NT5C2: variants seen among roughly 807,000 people sequenced by gnomAD.
NT5C2 encodes the protein cytosolic purine 5'-nucleotidase.
A neutral mutation model predicts 76.1 loss-of-function variants in NT5C2; 58 were observed. The ratio of observed to expected loss-of-function variants is 0.76; its 90% CI spans 0.62 to 0.95. The LOEUF is 0.95. NT5C2 is among the 40% of genes least tolerant of loss of function. The pLI, the probability that NT5C2 is intolerant of heterozygous loss-of-function variation, is 0.00. For synonymous variants in NT5C2, 229 were observed against 237.4 expected, an observed-to-expected ratio of 0.96 and a Z score of 0.32; for missense variants, 478 against 690.3, an observed-to-expected ratio of 0.69 and a Z score of 3.45.
At chr10:103,159,252 C>CACACA (rs2084196868) in intron 3 of NT5C2, among the ~76,000 whole-genome samples, 1 of 13,596 alleles carries the variant, frequency 7.4e-5, no homozygotes, top group Non-Finnish European at 1.4e-4. Context: ...CCAAAACATG[C>CACACA]ACACACACAC....
intron 17 of NT5C2, 41 bp downstream of exon 17, chr10:103,090,895 A>C: frequency 6.2e-7 from 1 of 1,603,954 alleles, no homozygotes; most frequent in Non-Finnish European, 8.5e-7. Flanking sequence ...AAAGCATTTA[A>C]ACTTATTTCC....
chr10:103,142,986 C>CA (rs371773086), intron 3 of NT5C2, among the ~76,000 whole-genome samples: 4,931 of 50,254 alleles, frequency 0.098, 136 homozygotes, highest in East Asian at 0.15. Context: ...AAGATTCCAT[C>CA]AAAAAAAAAA....
At chr10:103,110,225 G>A (rs1436868516) in intron 4 of NT5C2, among the ~76,000 whole-genome samples, 1 of 152,122 alleles carries the variant, frequency 6.6e-6, no homozygotes, top group African/African-American at 2.4e-5. Context: ...GGAGGCCGGG[G>A]CGTGTGGATC....
chr10:103,092,673 C>T (rs1315431056), intron 15 of NT5C2, among the ~76,000 whole-genome samples: 1 of 152,166 alleles, frequency 6.6e-6, no homozygotes, highest in Non-Finnish European at 1.5e-5. Flanking sequence ...TAGCTTAGTT[C>T]AAGAATACAA....
At chr10:103,119,233 G>A (rs1304741817) in intron 4 of NT5C2, among the ~76,000 whole-genome samples, 1 of 152,090 alleles carries the variant, frequency 6.6e-6, no homozygotes, top group African/African-American at 2.4e-5. Context: ...GCCAGGCATG[G>A]TGGCACATGC....
intron 3 of NT5C2, among the ~76,000 whole-genome samples, chr10:103,150,001 G>A (rs1353825337): frequency 3.2e-5 from 4 of 125,266 alleles, no homozygotes; most frequent in South Asian, 5.3e-4. Context: ...ATCAACAACC[G>A]CTTTACAAAA....
At chr10:103,141,504 C>T (rs1020958175) in intron 3 of NT5C2, among the ~76,000 whole-genome samples, 2 of 152,064 alleles carry the variant, frequency 1.3e-5, no homozygotes. Context: ...TTATCCAAGT[C>T]TTTCTTATAC....
chr10:103,111,896 C>T, intron 4 of NT5C2: 1 of 824,770 alleles, frequency 1.2e-6, no homozygotes, highest in South Asian at 6.2e-5. Context: ...CAGAGAGATA[C>T]CATTTGGAAA....
intron 2 of NT5C2, chr10:103,176,025 A>T: frequency 5.8e-6 from 1 of 173,782 alleles, no homozygotes; most frequent in Non-Finnish European, 1.3e-5. Flanking sequence ...AAGAAGCCCC[A>T]GGCTACAGAG....
chr10:103,181,614 A>G (rs2091094137), intron 1 of NT5C2, among the ~76,000 whole-genome samples: 1 of 152,230 alleles, frequency 6.6e-6, no homozygotes. Context: ...TGTCCCTCCC[A>G]TAATTACCTC....
chr10:103,166,892 A>G (rs577325939), intron 3 of NT5C2, among the ~76,000 whole-genome samples: 50 of 152,186 alleles, frequency 3.3e-4, no homozygotes, highest in Admixed American at 9.8e-4. Flanking sequence ...GCCTCAAGCC[A>G]TCTTCCCATC....
At chr10:103,106,281 T>C (rs2071244515) in intron 5 of NT5C2, among the ~76,000 whole-genome samples, 1 of 152,342 alleles carries the variant, frequency 6.6e-6, no homozygotes, top group East Asian at 1.9e-4. Context: ...CGTACCTATT[T>C]GCCAACAGCC....
intron 3 of NT5C2, among the ~76,000 whole-genome samples, chr10:103,141,614 C>G (rs1463441192): frequency 6.6e-6 from 1 of 152,154 alleles, no homozygotes; most frequent in African/African-American, 2.4e-5. Flanking sequence ...AAGAGGCTCT[C>G]CTTTCCAAAG....
At chr10:103,130,711 A>G (rs568405692) in intron 4 of NT5C2, among the ~76,000 whole-genome samples, 8 of 152,042 alleles carry the variant, frequency 5.3e-5, no homozygotes, top group Admixed American at 3.9e-4. Context: ...TAGTGACATC[A>G]AAGTTTTAAA....
At chr10:103,126,911 A>G (rs774092123) in intron 4 of NT5C2, among the ~76,000 whole-genome samples, 4 of 152,282 alleles carry the variant, frequency 2.6e-5, no homozygotes, top group Middle Eastern at 3.4e-3. Flanking sequence ...TCCTGGGCTC[A>G]AGTGATCCTC....
chr10:103,090,322 A>G (rs2066413697), intron 18 of NT5C2: 2 of 373,498 alleles, frequency 5.4e-6, no homozygotes, highest in South Asian at 5.9e-5. Flanking sequence ...GGCTCAATCA[A>G]TCCTCCCACC....
At chr10:103,150,757 A>G (rs1474890855) in intron 3 of NT5C2, among the ~76,000 whole-genome samples, 1 of 152,136 alleles carries the variant, frequency 6.6e-6, no homozygotes, top group Non-Finnish European at 1.5e-5. Context: ...TTCAAATCCA[A>G]TTTTGTGAAG....
intron 4 of NT5C2, among the ~76,000 whole-genome samples, chr10:103,130,180 A>G (rs2077844398): frequency 6.6e-6 from 1 of 151,626 alleles, no homozygotes; most frequent in Admixed American, 6.6e-5. Context: ...AGAAGTAGAC[A>G]TGGGAGACTT....
intron 3 of NT5C2, among the ~76,000 whole-genome samples, chr10:103,145,257 G>A (rs946673676): frequency 1.3e-5 from 2 of 152,158 alleles, no homozygotes; most frequent in Non-Finnish European, 2.9e-5. Flanking sequence ...CTTAAAGCAT[G>A]AAATACCATG....
Sources: gnomAD v4.1 joint callset for allele counts (sites outside exome capture counted in the v4.1 genomes callset) on GRCh38, gnomAD v4.1.1 for gene constraint, MANE v1.5 for transcripts, NCBI Gene and HGNC (gene_info 2026-07-23, HGNC 2026-07-21) for gene names.